Variants in HIVEP3 observed in about 807,000 individuals in gnomAD.
HIVEP3 encodes the protein HIVEP zinc finger 3.
HIVEP3 carries 49 observed loss-of-function variants against 152.8 expected under a neutral mutation model. That is an observed-to-expected ratio of 0.32 (90% CI 0.26 to 0.41). HIVEP3 has a LOEUF of 0.41. Among genes scored for constraint, HIVEP3 ranks in the 10% least tolerant of loss-of-function variants. HIVEP3 has a pLI of 1.00. For missense variants in HIVEP3, 2,790 were observed against 3,103.3 expected, an observed-to-expected ratio of 0.90 and a Z score of 2.40; for synonymous variants, 1,269 against 1,289.0, an observed-to-expected ratio of 0.98 and a Z score of 0.33.
chr1:41,513,803 C>G, intron 7 of HIVEP3, 53 bp from the exon 8 acceptor site: 1 of 1,390,606 alleles, frequency 7.2e-7, no homozygotes, highest in Non-Finnish European at 9.6e-7. Flanking sequence ...GGCCCCACTG[C>G]CCACACGGCT....
chr1:41,755,245 T>C (rs1647258441), intron 1 of HIVEP3, among the ~76,000 whole-genome samples: 1 of 152,304 alleles, frequency 6.6e-6, no homozygotes, highest in East Asian at 1.9e-4. Flanking sequence ...AAATATTAGC[T>C]ATCCATAAGG....
intron 1 of HIVEP3, among the ~76,000 whole-genome samples, chr1:41,933,824 CT>C (rs1273671037): frequency 6.6e-6 from 1 of 151,954 alleles, no homozygotes; most frequent in Non-Finnish European, 1.5e-5. Flanking sequence ...AAGCTGTAGT[CT>C]TAGGCAAGCA....
At chr1:41,763,325 C>T (rs774126739) in intron 1 of HIVEP3, among the ~76,000 whole-genome samples, 5 of 152,138 alleles carry the variant, frequency 3.3e-5, no homozygotes, top group South Asian at 4.1e-4. Flanking sequence ...GCCCAGCTGC[C>T]GTCCCCCTCC....
rs1280772137 is a variant in HIVEP3, at chr1:41,834,790, AATAAT to A, written c.-801+83618_-801+83622del. Among the ~76,000 whole-genome samples the A allele has an allele frequency of 3.3e-5, 5 of 152,282 alleles. No homozygotes were observed. In the East Asian group the frequency reaches 7.7e-4, roughly 24 times the overall value. On this transcript the variant is annotated intron_variant, in intron 1 of 8. Transcript: ENST00000372583. ...CAGTTAGTAATAAATGCTCTGAAAA[AATAAT>A]AAAGAAAGATGAGAGAATGAAGTGT...
intron 1 of HIVEP3, among the ~76,000 whole-genome samples, chr1:41,965,162 C>T (rs933977184): frequency 6.6e-6 from 1 of 152,134 alleles, no homozygotes; most frequent in East Asian, 1.9e-4. Context: ...ACTGCAGCAG[C>T]CCTATGGAAG....
At chr1:41,525,163 G>A (rs538685090) in intron 5 of HIVEP3, among the ~76,000 whole-genome samples, 14 of 152,298 alleles carry the variant, frequency 9.2e-5, no homozygotes, top group Admixed American at 2.6e-4. Flanking sequence ...AGACACTGGC[G>A]CTTCCCACTG....
intron 1 of HIVEP3, among the ~76,000 whole-genome samples, chr1:41,794,728 T>C (rs1216962213): frequency 6.6e-6 from 1 of 152,246 alleles, no homozygotes; most frequent in African/African-American, 2.4e-5. Context: ...CCCATGTTTA[T>C]TAGGCTTTTT....
At chr1:41,727,188 CCTT>C (rs1646765565) in intron 1 of HIVEP3, among the ~76,000 whole-genome samples, 1 of 152,220 alleles carries the variant, frequency 6.6e-6, no homozygotes, top group South Asian at 2.1e-4. Flanking sequence ...TGTGTCATCT[CCTT>C]CTCTCCTCAC....
At chr1:41,720,674 T>C (rs1201770655) in intron 1 of HIVEP3, among the ~76,000 whole-genome samples, 2 of 152,222 alleles carry the variant, frequency 1.3e-5, no homozygotes, top group African/African-American at 4.8e-5. Context: ...AACTACCATA[T>C]GATCTAGCAA....
rs556460192 is a variant in HIVEP3 at position 41,526,771 on chromosome 1, A to C, written c.5208-1861T>G. Among the ~76,000 whole-genome samples the C allele has an allele frequency of 1.2e-3, 133 of 112,372 alleles. No individual in the cohort carries two copies. In the Middle Eastern group the frequency reaches 0.026, roughly 22 times the overall value. 73.7% of individuals were successfully genotyped at this position (112,372 alleles called of 152,430 possible). Reference sequence around the variant, plus strand: ...CTCACATCCCCACACTCACCCTCACACTCACCCTAACACACACCCTCACAC... The same window carrying C: ...CTCACATCCCCACACTCACCCTCACCCTCACCCTAACACACACCCTCACAC... On this transcript the variant is annotated intron_variant, in intron 5 of 8. Transcript: ENST00000372583.
intron 1 of HIVEP3, among the ~76,000 whole-genome samples, chr1:41,711,016 C>T (rs1646505586): frequency 6.6e-6 from 1 of 152,234 alleles, no homozygotes; most frequent in Non-Finnish European, 1.5e-5. Flanking sequence ...AGCGGTAGTG[C>T]CTCGAAGATG....
chr1:41,510,252 T>C lies in HIVEP3; in HGVS notation c.*199A>G. 1 of 416,336 alleles carries C rather than the reference T, an allele frequency of 2.4e-6. No individual in the cohort carries two copies. The allele number at this position is 416,336 out of a possible 1,614,324, so 25.8% of individuals were successfully genotyped here. A position where few individuals can be genotyped will look rare whatever the true frequency, so the allele number is the denominator to read the frequency against. ...TTTAAATGTATGTATGTGATTTGTT[T>C]TGTTTCTTTTTAAGCAACAAAAGGT... On this transcript the variant is annotated 3_prime_UTR_variant, in exon 9 of 9. Transcript: ENST00000372583.
intron 2 of HIVEP3, among the ~76,000 whole-genome samples, chr1:41,674,242 A>T (rs920355724): frequency 6.6e-6 from 1 of 152,256 alleles, no homozygotes; most frequent in African/African-American, 2.4e-5. Flanking sequence ...ATCATTAAAC[A>T]AATCAATGGG....
At chr1:41,940,098 A>G (rs1449124017) in intron 1 of HIVEP3, among the ~76,000 whole-genome samples, 2 of 152,206 alleles carry the variant, frequency 1.3e-5, no homozygotes, top group Non-Finnish European at 2.9e-5. Flanking sequence ...AATGTAAAAT[A>G]CTTTGTTTTA....
At chr1:41,598,017 G>C (rs1644691674) in intron 3 of HIVEP3, among the ~76,000 whole-genome samples, 1 of 152,158 alleles carries the variant, frequency 6.6e-6, no homozygotes, top group Non-Finnish European at 1.5e-5. Flanking sequence ...GATTAAAAGA[G>C]GCATCTGGAC....
chr1:41,641,820 G>A (rs1645378130), intron 2 of HIVEP3, among the ~76,000 whole-genome samples: 1 of 152,134 alleles, frequency 6.6e-6, no homozygotes, highest in South Asian at 2.1e-4. Flanking sequence ...AGTCCCTTTG[G>A]GATGCCATTT....
chr1:41,852,167 A>G (rs1439492536), intron 1 of HIVEP3, among the ~76,000 whole-genome samples: 1 of 152,208 alleles, frequency 6.6e-6, no homozygotes, highest in Non-Finnish European at 1.5e-5. Context: ...TGCCTTCCTT[A>G]GTTCTACCAG....
At chr1:41,573,800 T>C (rs544093470) in intron 5 of HIVEP3, among the ~76,000 whole-genome samples, 2 of 151,724 alleles carry the variant, frequency 1.3e-5, no homozygotes, top group Non-Finnish European at 2.9e-5. Flanking sequence ...CAGAGGTAAG[T>C]GGGGCAGAGA....
intron 3 of HIVEP3, among the ~76,000 whole-genome samples, chr1:41,607,365 T>G (rs1644835984): frequency 6.6e-6 from 1 of 152,240 alleles, no homozygotes; most frequent in African/African-American, 2.4e-5. Context: ...ATTGTGTTAT[T>G]CAGTTTTTCC....
Sources: gnomAD v4.1 joint callset for allele counts (sites outside exome capture counted in the v4.1 genomes callset) on GRCh38, gnomAD v4.1.1 for gene constraint, MANE v1.5 for transcripts, NCBI Gene and HGNC (gene_info 2026-07-23, HGNC 2026-07-21) for gene names.